Variants in DZIP1 observed in about 807,000 individuals in gnomAD.
The protein encoded by DZIP1 is DAZ interacting zinc finger protein 1.
A neutral mutation model predicts 107.6 loss-of-function variants in DZIP1; 97 were observed. The ratio of observed to expected loss-of-function variants is 0.90; its 90% CI spans 0.77 to 1.07. DZIP1 has a LOEUF of 1.07. Among genes scored for constraint, DZIP1 ranks in the 50% least tolerant of loss-of-function variants. The pLI is 0.00. For synonymous variants in DZIP1, 390 were observed against 386.4 expected, an observed-to-expected ratio of 1.01 and a Z score of -0.11; for missense variants, 1,035 against 1,063.6, an observed-to-expected ratio of 0.97 and a Z score of 0.37.
chr13:95,611,628 T>C (rs2045009674), intron 11 of DZIP1, 135 bp from the exon 12 acceptor site: 3 of 728,890 alleles, frequency 4.1e-6, no homozygotes, highest in Non-Finnish European at 6.8e-6. Flanking sequence ...CATGTGGTCT[T>C]TAAAAGCATA....
chr13:95,638,151 G>A (rs936609950), intron 5 of DZIP1, among the ~76,000 whole-genome samples: 4 of 144,532 alleles, frequency 2.8e-5, no homozygotes, highest in East Asian at 2.0e-4. Flanking sequence ...GAGCAATGGC[G>A]TGATCCCAGC....
At chr13:95,637,898 C>T (rs1380757186) in intron 5 of DZIP1, among the ~76,000 whole-genome samples, 5 of 152,060 alleles carry the variant, frequency 3.3e-5, no homozygotes, top group Admixed American at 2.6e-4. Context: ...CTTAAAAACA[C>T]TGTCTTATGA....
At chr13:95,610,095 T>TGC (rs2044937104) in intron 12 of DZIP1, among the ~76,000 whole-genome samples, 1 of 77,824 alleles carries the variant, frequency 1.3e-5, no homozygotes, top group Non-Finnish European at 2.3e-5. Flanking sequence ...TGTGTGTGTG[T>TGC]GTGTGTGTGT....
rs141220630 is a variant in DZIP1 at position 95,609,215 on chromosome 13, C to A, written c.1420+242G>T. Among the ~76,000 whole-genome samples, 258 of 152,276 alleles carry A rather than the reference C, an allele frequency of 1.7e-3. 5 individuals carry two copies. In the East Asian group the frequency reaches 0.042, roughly 25 times the overall value. ...GATGCCAAGGAATTTTTAGTCATCC[C>A]TTTTTAGACAAATTGTGAAATAATA... is the stretch of plus-strand genomic sequence containing the variant. On this transcript the variant is annotated intron_variant, in intron 13 of 22. Transcript: ENST00000376829.
In DZIP1 at chr13:95,644,385, C is replaced by A. The variant is rs1878879435; in HGVS notation, c.-534G>T. 1 of 152,534 alleles carries A rather than the reference C, an allele frequency of 6.6e-6. No individual in the cohort carries two copies. Among genetic ancestry groups the A allele is most frequent in the Non-Finnish European group, 1.5e-5 (1 of 68,326 alleles). The allele number at this position is 152,534 out of a possible 1,614,324, so 9.4% of individuals were successfully genotyped here. On this transcript the variant is annotated 5_prime_UTR_variant, in exon 1 of 23. Transcript: ENST00000376829. ...CCCCGGTCTCGGCTCACCCCAGCTG[C>A]GCGCTCCTGGGCGGGTGCCGGGCGC...
At chr13:95,621,710 G>A in intron 9 of DZIP1, among the ~76,000 whole-genome samples, 2 of 132,736 alleles carry the variant, frequency 1.5e-5, no homozygotes, top group Non-Finnish European at 3.1e-5. Flanking sequence ...GTGTGTGTGT[G>A]TGTGTATTTA....
intron 8 of DZIP1, 66 bp from the exon 9 acceptor site, chr13:95,622,546 A>G: frequency 1.3e-6 from 2 of 1,584,934 alleles, no homozygotes. Flanking sequence ...AGAGAATAAA[A>G]TCAGGGAGCA....
intron 9 of DZIP1, among the ~76,000 whole-genome samples, 171 bp downstream of exon 9, chr13:95,622,172 G>A (rs1594714870): frequency 6.6e-6 from 1 of 152,154 alleles, no homozygotes. Context: ...CAGCAAGCAT[G>A]TAACAAACAC....
At position 95,609,554 on chromosome 13, in the gene DZIP1, G is replaced by A. The variant is rs150462998; in HGVS notation, c.1364-41C>T. The A allele has an allele frequency of 1.4e-4, 214 of 1,488,374 alleles. 1 individual carries two copies. The East Asian group carries it at 5.0e-3, about 35-fold the overall frequency. 92.2% of individuals were successfully genotyped at this position (1,488,374 alleles called of 1,614,324 possible). A position where few individuals can be genotyped will look rare whatever the true frequency, so the allele number is the denominator to read the frequency against. On this transcript the variant is annotated intron_variant, in intron 12 of 22. Transcript: ENST00000376829. ...AATAAATGAACAAAAAACATCACAA[G>A]CTATGGATTAAATTTTTGTAGCCCT...
In DZIP1 at chr13:95,606,005, T is replaced by C; in HGVS notation, c.1475A>G (p.His492Arg). Residue 492 changes from histidine to arginine, a missense_variant and splice_region_variant, in exon 14 of 23, where the codon CAT becomes CGT. Transcript: ENST00000376829. ...LETKSSLPMV[H>R]EQAFSSHILE... Reference sequence around the variant, plus strand: ...CTGAGACTATTACTGAAACTTACCATGCACCATTGGCAGACTTGATTTAGT... The same window carrying C: ...CTGAGACTATTACTGAAACTTACCACGCACCATTGGCAGACTTGATTTAGT... The C allele has an allele frequency of 6.2e-7, 1 of 1,614,032 alleles. No individual in the cohort carries two copies. Among genetic ancestry groups the C allele is most frequent in the East Asian group, 2.2e-5 (1 of 44,856 alleles).
intron 10 of DZIP1, 108 bp from the exon 11 acceptor site, chr13:95,612,285 T>C: frequency 8.2e-7 from 1 of 1,214,074 alleles, no homozygotes. Flanking sequence ...CCTGATGCTA[T>C]CCGTGCGCAT....
At chr13:95,639,741 T>C (rs754792635) in intron 5 of DZIP1, among the ~76,000 whole-genome samples, 6 of 152,106 alleles carry the variant, frequency 3.9e-5, no homozygotes, top group Non-Finnish European at 8.8e-5. Context: ...TTTCACTAGA[T>C]GGCTGCTAAA....
At chr13:95,610,313 G>GT (rs60681714) in intron 12 of DZIP1, among the ~76,000 whole-genome samples, 42,071 of 145,808 alleles carry the variant, frequency 0.29, 6,385 homozygotes, top group Non-Finnish European at 0.36. Context: ...GAGTTTTTTG[G>GT]TTTTTTTTTT....
At chr13:95,610,054 TAG>T (rs2139096154) in intron 12 of DZIP1, among the ~76,000 whole-genome samples, 1 of 104,558 alleles carries the variant, frequency 9.6e-6, no homozygotes, top group Admixed American at 1.0e-4. Flanking sequence ...TTGACTGGTT[TAG>T]TGTGTGTGTG....
intron 22 of DZIP1, among the ~76,000 whole-genome samples, chr13:95,584,328 G>C (rs998297340): frequency 2.6e-5 from 4 of 151,516 alleles, no homozygotes; most frequent in African/African-American, 9.7e-5. Context: ...ACGAGCGGTG[G>C]CCCATGCCTG....
intron 13 of DZIP1, 60 bp downstream of exon 13, chr13:95,609,397 T>C: frequency 1.8e-6 from 2 of 1,123,848 alleles, no homozygotes; most frequent in South Asian, 4.2e-5. Context: ...GTAAAAGTTA[T>C]GTTTTGGTTT....
intron 21 of DZIP1, 93 bp downstream of exon 21, chr13:95,585,913 T>C: frequency 7.8e-7 from 1 of 1,286,916 alleles, no homozygotes; most frequent in Middle Eastern, 2.7e-4. Context: ...ACCAGCTAAC[T>C]ATCTGTTTTA....
chr13:95,584,137 C>A (rs2044083013), intron 22 of DZIP1, among the ~76,000 whole-genome samples: 1 of 151,754 alleles, frequency 6.6e-6, no homozygotes, highest in Admixed American at 6.6e-5. Context: ...CCACCATGCC[C>A]AACTAATTTT....
intron 10 of DZIP1, among the ~76,000 whole-genome samples, chr13:95,616,884 T>C (rs553664207): frequency 5.3e-4 from 80 of 152,222 alleles, no homozygotes; most frequent in Admixed American, 1.0e-3. Flanking sequence ...TTATCCTGTG[T>C]GGGCCTGTCT....
Sources: gnomAD v4.1 joint callset for allele counts (sites outside exome capture counted in the v4.1 genomes callset) on GRCh38, gnomAD v4.1.1 for gene constraint, MANE v1.5 for transcripts, NCBI Gene and HGNC (gene_info 2026-07-23, HGNC 2026-07-21) for gene names.